PLPPR1: variants seen among roughly 807,000 people sequenced by gnomAD.
The protein encoded by PLPPR1 is phospholipid phosphatase related 1.
Under a neutral mutation model 33.1 loss-of-function variants are expected in PLPPR1, and 10 were observed. The observed-to-expected ratio is 0.30, with a 90% CI of 0.19 to 0.51. The LOEUF is 0.51. Ranked by LOEUF, PLPPR1 falls within the 20% of genes least tolerant of loss-of-function variation. The probability of loss-of-function intolerance (pLI) is 0.97; values close to 1 mark genes in which losing one functional copy is unlikely to be tolerated. For synonymous variants in PLPPR1, 151 were observed against 151.0 expected (o/e 1.00, Z 0.00); for missense variants, 304 against 408.1 (o/e 0.74, Z 2.20).
intron 4 of PLPPR1, among the ~76,000 whole-genome samples, chr9:101,289,504 A>G (rs1828454052): frequency 1.3e-5 from 2 of 152,200 alleles, no homozygotes; most frequent in African/African-American, 4.8e-5. Flanking sequence ...CCCAAATCTC[A>G]TCTTGAATTG....
chr9:101,194,172 G>A (rs530404790), intron 2 of PLPPR1, among the ~76,000 whole-genome samples: 1 of 152,234 alleles, frequency 6.6e-6, no homozygotes, highest in Non-Finnish European at 1.5e-5. Flanking sequence ...CGTATTTTGA[G>A]TGATTTCAAG....
intron 4 of PLPPR1, among the ~76,000 whole-genome samples, chr9:101,297,592 C>T (rs1564030588): frequency 1.3e-5 from 2 of 152,168 alleles, no homozygotes; most frequent in Admixed American, 6.5e-5. Flanking sequence ...CCTGTCCTCC[C>T]AGGCTTTAAG....
chr9:101,054,891 C>A (rs561785737), intron 1 of PLPPR1, among the ~76,000 whole-genome samples: 92 of 152,124 alleles, frequency 6.0e-4, no homozygotes, highest in Non-Finnish European at 1.0e-3. Context: ...GAATCAGATA[C>A]GGAGAGCCCC....
chr9:101,294,603 C>T (rs1261274531), intron 4 of PLPPR1, among the ~76,000 whole-genome samples: 2 of 152,078 alleles, frequency 1.3e-5, no homozygotes, highest in African/African-American at 4.8e-5. Context: ...GCTTATCCAC[C>T]ATGATCAAGT....
chr9:101,196,143 A>C (rs747400756), intron 2 of PLPPR1, among the ~76,000 whole-genome samples: 19 of 152,352 alleles, frequency 1.2e-4, no homozygotes, highest in Non-Finnish European at 2.8e-4. Flanking sequence ...TGGCTGGCCA[A>C]GGTATTAGAA....
chr9:101,112,730 A>T (rs1297021317), intron 1 of PLPPR1, among the ~76,000 whole-genome samples: 1 of 152,200 alleles, frequency 6.6e-6, no homozygotes, highest in Admixed American at 6.5e-5. Context: ...CTCCAAATTG[A>T]TATAGGAAGT....
chr9:101,098,132 G>C (rs557281444), intron 1 of PLPPR1, among the ~76,000 whole-genome samples: 2 of 152,236 alleles, frequency 1.3e-5, no homozygotes, highest in East Asian at 3.9e-4. Flanking sequence ...TGGAGGCCGA[G>C]TGGAAGATAG....
chr9:101,315,239 C>T (rs1245958345), intron 6 of PLPPR1, among the ~76,000 whole-genome samples: 1 of 152,152 alleles, frequency 6.6e-6, no homozygotes, highest in Admixed American at 6.5e-5. Flanking sequence ...AACTCCTCTT[C>T]CCCCTATCGC....
chr9:101,228,130 G>A (rs747035119), intron 2 of PLPPR1, among the ~76,000 whole-genome samples: 1 of 152,122 alleles, frequency 6.6e-6, no homozygotes, highest in Non-Finnish European at 1.5e-5. Context: ...GACTGCCTAG[G>A]ATGTTTGAGA....
At chr9:101,265,140 T>C (rs1034674506) in intron 2 of PLPPR1, among the ~76,000 whole-genome samples, 1 of 152,232 alleles carries the variant, frequency 6.6e-6, no homozygotes, top group Non-Finnish European at 1.5e-5. Flanking sequence ...TTTTTACTTT[T>C]CTTTAACCAG....
At chr9:101,319,450 G>A (rs1305095649) in intron 7 of PLPPR1, among the ~76,000 whole-genome samples, 1 of 152,090 alleles carries the variant, frequency 6.6e-6, no homozygotes, top group Non-Finnish European at 1.5e-5. Flanking sequence ...TAATGAACCA[G>A]GTTTTGAGGG....
At chr9:101,055,931 T>G (rs1830273596) in intron 1 of PLPPR1, among the ~76,000 whole-genome samples, 1 of 152,188 alleles carries the variant, frequency 6.6e-6, no homozygotes, top group Non-Finnish European at 1.5e-5. Context: ...TACGTCATGT[T>G]CCCCAAAGCT....
intron 1 of PLPPR1, among the ~76,000 whole-genome samples, chr9:101,182,078 A>G (rs1826124295): frequency 6.6e-6 from 1 of 151,466 alleles, no homozygotes; most frequent in African/African-American, 2.4e-5. Context: ...ATTTAGCCTT[A>G]AAAAGGGGGA....
intron 1 of PLPPR1, among the ~76,000 whole-genome samples, chr9:101,178,486 A>G (rs973753335): frequency 2.0e-5 from 3 of 152,202 alleles, no homozygotes; most frequent in African/African-American, 7.2e-5. Flanking sequence ...TGGCAAGACT[A>G]TCATCTGTGA....
chr9:101,052,095 A>G (rs1166608720), intron 1 of PLPPR1, among the ~76,000 whole-genome samples: 1 of 152,230 alleles, frequency 6.6e-6, no homozygotes, highest in Non-Finnish European at 1.5e-5. Flanking sequence ...CCTAATCAGT[A>G]AAATATAGAT....
intron 2 of PLPPR1, among the ~76,000 whole-genome samples, chr9:101,261,875 T>C (rs533973411): frequency 1.3e-5 from 2 of 152,020 alleles, no homozygotes; most frequent in Non-Finnish European, 2.9e-5. Flanking sequence ...TAATGGATAC[T>C]AGACTTTATA....
Position 101,222,831 on chromosome 9 carries a change from G to A in PLPPR1, c.63+37274G>A, listed in dbSNP as rs113665045. Among the ~76,000 whole-genome samples, 374 of 147,058 alleles carry A rather than the reference G, an allele frequency of 2.5e-3. 1 individual carries two copies. Among genetic ancestry groups the A allele is most frequent in the African/African-American group, 8.4e-3 (330 of 39,484 alleles). ...ACCATTCATCATAAAGCAAACCCCC[G>A]CCCCCGCCATGATAGTAGATCCTTT... On this transcript the variant is annotated intron_variant, in intron 2 of 7. Coordinates refer to ENST00000374874, the MANE Select transcript of PLPPR1 (RefSeq NM_207299.2).
chr9:101,303,394 C>G (rs953848312), intron 4 of PLPPR1, among the ~76,000 whole-genome samples: 2 of 152,040 alleles, frequency 1.3e-5, no homozygotes, highest in African/African-American at 2.4e-5. Flanking sequence ...CTCTGCCTCC[C>G]AGGTTCAAGT....
intron 2 of PLPPR1, among the ~76,000 whole-genome samples, chr9:101,241,581 C>G (rs989678072): frequency 6.6e-6 from 1 of 151,798 alleles, no homozygotes; most frequent in Non-Finnish European, 1.5e-5. Context: ...TAGCCATTGA[C>G]TGGGGACACC....
Sources: allele counts gnomAD v4.1 joint callset (sites outside exome capture counted in the v4.1 genomes callset), GRCh38; gene constraint gnomAD v4.1.1; transcripts MANE v1.5; gene names NCBI Gene and HGNC (gene_info 2026-07-23, HGNC 2026-07-21).